MACROD2: variants seen among roughly 807,000 people sequenced by gnomAD.
MACROD2 encodes the protein mono-ADP ribosylhydrolase 2.
MACROD2 carries 36 observed loss-of-function variants against 70.4 expected under a neutral mutation model. The ratio of observed to expected loss-of-function variants is 0.51; its 90% CI spans 0.39 to 0.68. The LOEUF is 0.68. MACROD2 is among the 30% of genes least tolerant of loss of function. MACROD2 has a pLI of 0.00. For missense variants in MACROD2, 496 were observed against 538.4 expected, an observed-to-expected ratio of 0.92 and a Z score of 0.78; for synonymous variants, 172 against 178.8, an observed-to-expected ratio of 0.96 and a Z score of 0.30.
intron 4 of MACROD2, among the ~76,000 whole-genome samples, chr20:14,668,969 C>T (rs911581273): frequency 3.9e-5 from 6 of 152,016 alleles, no homozygotes; most frequent in African/African-American, 1.4e-4. Flanking sequence ...TTTGCTAAAA[C>T]TTAGTCTTTA....
chr20:14,000,047 T>A lies in MACROD2; in HGVS notation c.47-2241T>A, dbSNP rs1488668382. ...ACAACTCTGTTTTCTGAATGTTTCC[T>A]TGTACCAGGAACTTGCACCCATGGT... On this transcript the variant is annotated intron_variant, in intron 1 of 17. Coordinates refer to ENST00000684519, the MANE Select transcript of MACROD2 (RefSeq NM_001351661.2). 6.6e-5 allele frequency among the ~76,000 whole-genome samples: 10 copies of A among 152,212 alleles called. No individual in the cohort carries two copies. In the East Asian group the frequency reaches 1.9e-3, roughly 29 times the overall value.
At chr20:15,854,923 C>T (rs534765612) in intron 8 of MACROD2, among the ~76,000 whole-genome samples, 2 of 152,188 alleles carry the variant, frequency 1.3e-5, no homozygotes, top group Non-Finnish European at 2.9e-5. Context: ...ATGAAATCAT[C>T]CCATCCAACC....
chr20:14,615,813 GA>G (rs1339788697), intron 4 of MACROD2, among the ~76,000 whole-genome samples: 14 of 152,254 alleles, frequency 9.2e-5, no homozygotes, highest in Admixed American at 8.5e-4. Flanking sequence ...AATGCAAGAA[GA>G]AAATGCATGA....
intron 5 of MACROD2, among the ~76,000 whole-genome samples, chr20:14,951,787 T>C (rs2074478201): frequency 6.6e-6 from 1 of 152,110 alleles, no homozygotes. Flanking sequence ...AAGGAAGCCA[T>C]GTGTCATGAG....
chr20:15,040,406 T>A (rs932742899), intron 5 of MACROD2, among the ~76,000 whole-genome samples: 5 of 152,176 alleles, frequency 3.3e-5, no homozygotes, highest in African/African-American at 1.2e-4. Context: ...CAGATTTAGC[T>A]TAATTATGGT....
intron 5 of MACROD2, among the ~76,000 whole-genome samples, chr20:14,805,295 G>T (rs1355533673): frequency 6.6e-6 from 1 of 152,046 alleles, no homozygotes; most frequent in Non-Finnish European, 1.5e-5. Flanking sequence ...TTGAACATTA[G>T]AATTCAGTTT....
At chr20:14,630,892 G>GTTTTGT (rs57968173) in intron 4 of MACROD2, among the ~76,000 whole-genome samples, 72,405 of 150,774 alleles carry the variant, frequency 0.48, 19,517 homozygotes, top group African/African-American at 0.74. Context: ...AGATTCTTGA[G>GTTTTGT]TTTTGTTTTT....
At chr20:15,583,111 A>T (rs943873669) in intron 8 of MACROD2, among the ~76,000 whole-genome samples, 2 of 152,002 alleles carry the variant, frequency 1.3e-5, no homozygotes, top group African/African-American at 4.8e-5. Flanking sequence ...AACATCTCTC[A>T]ATCCATTTAT....
At chr20:14,532,413 C>T (rs979105031) in intron 4 of MACROD2, among the ~76,000 whole-genome samples, 5 of 150,296 alleles carry the variant, frequency 3.3e-5, no homozygotes, top group Admixed American at 1.3e-4. Context: ...TTAGTAGAGA[C>T]GGGGTTTCAC....
chr20:14,967,541 A>G (rs2074650005), intron 5 of MACROD2, among the ~76,000 whole-genome samples: 1 of 152,026 alleles, frequency 6.6e-6, no homozygotes, highest in African/African-American at 2.4e-5. Context: ...ATAGACTGTG[A>G]ATATTATTTC....
intron 3 of MACROD2, among the ~76,000 whole-genome samples, chr20:14,259,241 C>T (rs926715513): frequency 2.0e-5 from 3 of 152,116 alleles, no homozygotes; most frequent in African/African-American, 7.2e-5. Flanking sequence ...TTTAATGTCA[C>T]CTCCCTTAAC....
intron 5 of MACROD2, among the ~76,000 whole-genome samples, chr20:15,150,477 T>C (rs1379762419): frequency 1.3e-5 from 2 of 151,838 alleles, no homozygotes; most frequent in African/African-American, 2.4e-5. Flanking sequence ...AATGGGGGAA[T>C]TGTAAGGAGA....
chr20:16,046,094 C>T (rs193175705), intron 17 of MACROD2, among the ~76,000 whole-genome samples: 2 of 152,282 alleles, frequency 1.3e-5, no homozygotes, highest in Non-Finnish European at 2.9e-5. Context: ...CCTCCTTGCA[C>T]TCACTGCATG....
chr20:15,688,717 A>G (rs1447295360), intron 8 of MACROD2, among the ~76,000 whole-genome samples: 3 of 152,220 alleles, frequency 2.0e-5, no homozygotes, highest in Non-Finnish European at 4.4e-5. Context: ...TGAATTTGAC[A>G]TATATATTCT....
intron 8 of MACROD2, among the ~76,000 whole-genome samples, chr20:15,831,226 G>C (rs1480247900): frequency 6.6e-6 from 1 of 152,270 alleles, no homozygotes; most frequent in East Asian, 1.9e-4. Flanking sequence ...TTTGCAAAAA[G>C]AGTTCATGAG....
chr20:15,824,853 G>A (rs2063979643), intron 8 of MACROD2, among the ~76,000 whole-genome samples: 1 of 152,196 alleles, frequency 6.6e-6, no homozygotes, highest in Non-Finnish European at 1.5e-5. Flanking sequence ...GCCTGGAATA[G>A]ACGCTCATTA....
At chr20:15,906,226 A>C (rs76808489) in intron 10 of MACROD2, among the ~76,000 whole-genome samples, 158 of 152,382 alleles carry the variant, frequency 1.0e-3, no homozygotes, top group Middle Eastern at 6.8e-3. Flanking sequence ...TGGTGTATCC[A>C]AAAACGCAGA....
At chr20:14,182,620 T>C (rs1157522955) in intron 3 of MACROD2, among the ~76,000 whole-genome samples, 1 of 152,176 alleles carries the variant, frequency 6.6e-6, no homozygotes, top group Non-Finnish European at 1.5e-5. Flanking sequence ...ATGTAGTGTT[T>C]TAGCTCTTAT....
intron 3 of MACROD2, among the ~76,000 whole-genome samples, chr20:14,147,262 G>A (rs2054954569): frequency 6.6e-6 from 1 of 152,114 alleles, no homozygotes; most frequent in African/African-American, 2.4e-5. Flanking sequence ...TAATAATCAG[G>A]ATTTAAACTC....
Sources: gnomAD v4.1 joint callset for allele counts (sites outside exome capture counted in the v4.1 genomes callset) on GRCh38, gnomAD v4.1.1 for gene constraint, MANE v1.5 for transcripts, NCBI Gene and HGNC (gene_info 2026-07-23, HGNC 2026-07-21) for gene names.